The following GOLPH3L variants were observed in gnomAD, a reference collection of about 807,000 sequenced individuals.
The protein encoded by GOLPH3L is golgi phosphoprotein 3 like.
GOLPH3L carries 22 observed loss-of-function variants against 30.3 expected under a neutral mutation model. The observed-to-expected ratio is 0.73, with a 90% confidence interval of 0.52 to 1.04. The LOEUF (loss-of-function observed/expected upper bound fraction) is 1.04, where lower values mean the gene tolerates loss of function less well. GOLPH3L is among the 50% of genes least tolerant of loss of function. The pLI is 0.00. For missense variants in GOLPH3L, 303 were observed against 345.8 expected, an observed-to-expected ratio of 0.88 and a Z score of 0.98; for synonymous variants, 120 against 128.2, an observed-to-expected ratio of 0.94 and a Z score of 0.43.
intron 1 of GOLPH3L, among the ~76,000 whole-genome samples, chr1:150,695,250 C>T (rs1651322373): frequency 6.6e-6 from 1 of 152,134 alleles, no homozygotes; most frequent in Non-Finnish European, 1.5e-5. Context: ...GATTCTTGTG[C>T]CTCAGCCTCC....
intron 2 of GOLPH3L, among the ~76,000 whole-genome samples, chr1:150,693,602 A>C (rs1323682151): frequency 6.6e-6 from 1 of 151,730 alleles, no homozygotes; most frequent in East Asian, 1.9e-4. Context: ...AAAGTTACAA[A>C]TGAAGGATGA....
At chr1:150,686,851 A>G (rs587760518) in intron 2 of GOLPH3L, among the ~76,000 whole-genome samples, 39 of 152,330 alleles carry the variant, frequency 2.6e-4, no homozygotes, top group South Asian at 2.3e-3. Flanking sequence ...ATATTTTCCT[A>G]CTATTAAAAC....
intron 2 of GOLPH3L, among the ~76,000 whole-genome samples, chr1:150,686,929 C>G (rs1651098070): frequency 6.6e-6 from 1 of 150,646 alleles, no homozygotes; most frequent in South Asian, 2.1e-4. Context: ...GTTAATATGC[C>G]TGGATATAAT....
intron 4 of GOLPH3L, among the ~76,000 whole-genome samples, chr1:150,653,213 T>G (rs1650164730): frequency 6.7e-6 from 1 of 149,426 alleles, no homozygotes; most frequent in Non-Finnish European, 1.5e-5. Flanking sequence ...ATAGCAATAT[T>G]AACACAAAAA....
At chr1:150,653,827 A>G (rs1163399743) in intron 4 of GOLPH3L, among the ~76,000 whole-genome samples, 2 of 151,344 alleles carry the variant, frequency 1.3e-5, no homozygotes, top group Admixed American at 6.6e-5. Context: ...CAGCGGCACA[A>G]TCTTGTCTCA....
chr1:150,653,120 A>AAAAAC (rs1416331365), intron 4 of GOLPH3L, among the ~76,000 whole-genome samples: 42 of 151,366 alleles, frequency 2.8e-4, no homozygotes, highest in Middle Eastern at 3.4e-3. Context: ...CTTTGTCTAA[A>AAAAAC]AAAACAAAAC....
chr1:150,670,615 T>C (rs1025866062), intron 2 of GOLPH3L, among the ~76,000 whole-genome samples: 1 of 151,960 alleles, frequency 6.6e-6, no homozygotes, highest in African/African-American at 2.4e-5. Context: ...AATAAATAAA[T>C]AAAAAGAAAT....
chr1:150,656,356 A>AT (rs747336088), intron 4 of GOLPH3L, among the ~76,000 whole-genome samples: 20 of 152,184 alleles, frequency 1.3e-4, no homozygotes, highest in Non-Finnish European at 2.9e-4. Context: ...ACTAGGGGAC[A>AT]TTAATTGGAT....
chr1:150,666,227 C>T (rs1366259442), intron 2 of GOLPH3L, among the ~76,000 whole-genome samples: 1 of 152,102 alleles, frequency 6.6e-6, no homozygotes, highest in Non-Finnish European at 1.5e-5. Flanking sequence ...AGCACTTTGG[C>T]TCTCCTTTAT....
chr1:150,656,903 T>TA (rs1650251709), intron 4 of GOLPH3L, among the ~76,000 whole-genome samples: 1 of 152,206 alleles, frequency 6.6e-6, no homozygotes, highest in South Asian at 2.1e-4. Flanking sequence ...TAACTAAATT[T>TA]AAACCAATTG....
At chr1:150,649,218 A>C (rs1650051115) in intron 4 of GOLPH3L, among the ~76,000 whole-genome samples, 1 of 152,176 alleles carries the variant, frequency 6.6e-6, no homozygotes, top group South Asian at 2.1e-4. Flanking sequence ...TTGTTCGTAG[A>C]TTAGAGATTC....
At chr1:150,678,744 C>T (rs1003668571) in intron 2 of GOLPH3L, among the ~76,000 whole-genome samples, 2 of 152,086 alleles carry the variant, frequency 1.3e-5, no homozygotes, top group African/African-American at 4.8e-5. Flanking sequence ...ATCATAAGGT[C>T]AAGAGATCAA....
chr1:150,668,195 C>CA (rs1232623169), intron 2 of GOLPH3L, among the ~76,000 whole-genome samples: 1 of 152,080 alleles, frequency 6.6e-6, no homozygotes, highest in African/African-American at 2.4e-5. Flanking sequence ...CCTTATGCCG[C>CA]AAAAATATTT....
chr1:150,656,287 C>G (rs1449511561), intron 4 of GOLPH3L, among the ~76,000 whole-genome samples: 1 of 152,150 alleles, frequency 6.6e-6, no homozygotes, highest in Admixed American at 6.5e-5. Flanking sequence ...TACCATTGTG[C>G]CACAAGAAGT....
rs776665331 is a variant in GOLPH3L at position 150,663,631 on chromosome 1, CCTTT to C, written c.312_315del (p.Lys105TyrfsTer3). ...ATGGACGTTCACAGAGGATTCAGTA[CCTTT>C]CTGTCTAGTAGTCGCTTCTTACGCA... On this transcript the variant is annotated frameshift_variant and splice_region_variant, in exon 3 of 5. Coordinates refer to ENST00000271732, the MANE Select transcript of GOLPH3L (RefSeq NM_018178.6). LOFTEE classifies it high-confidence loss of function. The C allele has an allele frequency of 1.2e-5, 19 of 1,610,558 alleles. No individual in the cohort carries two copies. The highest frequency in any genetic ancestry group is 8.5e-7 in the Non-Finnish European group (1 of 1,177,630).
intron 4 of GOLPH3L, among the ~76,000 whole-genome samples, chr1:150,650,751 A>C (rs1302814844): frequency 2.0e-5 from 3 of 152,166 alleles, no homozygotes; most frequent in Admixed American, 6.5e-5. Context: ...GTGCCAGAAA[A>C]GTTGGGGACA....
intron 2 of GOLPH3L, among the ~76,000 whole-genome samples, chr1:150,667,096 T>C (rs1380870463): frequency 6.6e-6 from 1 of 152,186 alleles, no homozygotes; most frequent in Non-Finnish European, 1.5e-5. Flanking sequence ...TTCCCCACTT[T>C]ACCTCAACCA....
chr1:150,669,342 C>A (rs1031717882), intron 2 of GOLPH3L, among the ~76,000 whole-genome samples: 5 of 152,060 alleles, frequency 3.3e-5, no homozygotes, highest in African/African-American at 1.2e-4. Context: ...AATTTAGGTG[C>A]AGAATAGCCT....
intron 2 of GOLPH3L, among the ~76,000 whole-genome samples, chr1:150,677,949 G>T (rs72702523): frequency 0.39 from 58,280 of 151,272 alleles, 11,532 homozygotes; most frequent in South Asian, 0.55. Context: ...TCTTATAAGA[G>T]ATATGTCATG....
Sources: allele counts gnomAD v4.1 joint callset (sites outside exome capture counted in the v4.1 genomes callset), GRCh38; gene constraint gnomAD v4.1.1; transcripts MANE v1.5; gene names NCBI Gene and HGNC (gene_info 2026-07-23, HGNC 2026-07-21).